XIRP2: variants seen among roughly 807,000 people sequenced by gnomAD.
The protein encoded by XIRP2 is xin actin binding repeat containing 2.
XIRP2 carries 236 observed loss-of-function variants against 277.0 expected under a neutral mutation model. That is an observed-to-expected ratio of 0.85 (90% CI 0.77 to 0.95). The LOEUF (loss-of-function observed/expected upper bound fraction) is 0.95, where lower values mean the gene tolerates loss of function less well. Among genes scored for constraint, XIRP2 ranks in the 40% least tolerant of loss-of-function variants. The pLI, the probability that XIRP2 is intolerant of heterozygous loss-of-function variation, is 0.00. For missense variants in XIRP2, 4,640 were observed against 4,157.5 expected (o/e 1.12, Z -3.19); for synonymous variants, 1,490 against 1,416.5 (o/e 1.05, Z -1.17).
intron 2 of XIRP2, among the ~76,000 whole-genome samples, chr2:166,940,941 C>T (rs553528569): frequency 8.5e-5 from 13 of 152,246 alleles, no homozygotes; most frequent in South Asian, 4.1e-4. Context: ...TCTCCAGCTT[C>T]GTGCTGGGAG....
intron 2 of XIRP2, among the ~76,000 whole-genome samples, chr2:167,029,833 C>A (rs990252361): frequency 1.3e-5 from 2 of 152,168 alleles, no homozygotes; most frequent in Middle Eastern, 3.4e-3. Flanking sequence ...TCTGTCTGGT[C>A]CTGGGCATTT....
chr2:167,185,606 T>C (rs2105361023), intron 3 of XIRP2, among the ~76,000 whole-genome samples: 1 of 151,912 alleles, frequency 6.6e-6, no homozygotes, highest in South Asian at 2.1e-4. Flanking sequence ...TTAAAAAGAG[T>C]AAAATCACCA....
At chr2:166,966,343 T>C (rs1055741745) in intron 2 of XIRP2, among the ~76,000 whole-genome samples, 1 of 151,884 alleles carries the variant, frequency 6.6e-6, no homozygotes, top group Non-Finnish European at 1.5e-5. Context: ...AACTTATAAA[T>C]ACAAATAGCC....
At position 167,249,829 on chromosome 2, in the gene XIRP2, G is replaced by C; in HGVS notation, c.8437G>C (p.Gly2813Arg). The part of the protein sequence containing the change: ...KQREFSGSDR[G>R]KLPGSEEKNQ... ...AAGAGAATTTAGCGGATCTGACAGA[G>C]GGAAACTTCCAGGAAGTGAAGAAAA... Residue 2813 changes from glycine (G) to arginine (R), a missense_variant, in exon 9 of 11, where the codon GGG becomes CGG. By Grantham distance (125) the Gly-to-Arg change is moderately radical (BLOSUM62 -2). Transcript: ENST00000409195. 6.2e-7 allele frequency: 1 copy of C among 1,613,406 alleles called. No individual in the cohort carries two copies. Among genetic ancestry groups the C allele is most frequent in the South Asian group, 1.1e-5 (1 of 91,068 alleles).
chr2:167,010,991 T>C (rs1362950894), intron 2 of XIRP2, among the ~76,000 whole-genome samples: 2 of 152,172 alleles, frequency 1.3e-5, no homozygotes, highest in Admixed American at 6.6e-5. Flanking sequence ...TGGGGTTTTC[T>C]AGATATACAA....
intron 3 of XIRP2, 90 bp from the exon 4 acceptor site, chr2:167,210,645 G>C: frequency 6.7e-7 from 1 of 1,487,468 alleles, no homozygotes; most frequent in Non-Finnish European, 9.2e-7. Context: ...ACGAGATCAA[G>C]TATTTTAAAT....
chr2:166,935,795 A>G (rs527611615), intron 2 of XIRP2, among the ~76,000 whole-genome samples: 9 of 152,220 alleles, frequency 5.9e-5, no homozygotes. Context: ...GCCACATTTT[A>G]TTAATCCAGT....
At position 167,249,540 on chromosome 2, in the gene XIRP2, A is replaced by C; in HGVS notation, c.8148A>C (p.Pro2716=). 6.2e-7 allele frequency: 1 copy of C among 1,613,694 alleles called. No individual in the cohort carries two copies. Among genetic ancestry groups the C allele is most frequent in the Non-Finnish European group, 8.5e-7 (1 of 1,179,754 alleles). Residue 2716 remains proline, a synonymous_variant, in exon 9 of 11, where the codon CCA becomes CCC. Coordinates refer to ENST00000409195, the MANE Select transcript of XIRP2 (RefSeq NM_152381.6). ...TCAAAGTTAAAACCATCAAACTTCC[A>C]ACTCTAGATCATACATTAAATGAAA... ...PNFKVKTIKL[P]TLDHTLNETD...
chr2:166,960,603 C>T lies in XIRP2; in HGVS notation c.408+56713C>T, dbSNP rs960520922. ...TCACTTCAATTATCTAAATTATCCC[C>T]GATTTTAAAGCAATGTGTATTATAA... On this transcript the variant is annotated intron_variant, in intron 2 of 10. Transcript: ENST00000409195. Among the ~76,000 whole-genome samples the T allele has an allele frequency of 4.6e-5, 7 of 151,672 alleles. No homozygotes were observed. In the South Asian group the frequency reaches 8.3e-4, roughly 18 times the overall value.
At chr2:167,021,664 A>G (rs1363335621) in intron 2 of XIRP2, among the ~76,000 whole-genome samples, 1 of 151,918 alleles carries the variant, frequency 6.6e-6, no homozygotes, top group Non-Finnish European at 1.5e-5. Context: ...AGTCTCTACA[A>G]AAAATAAAAA....
At position 167,075,136 on chromosome 2, in the gene XIRP2, G is replaced by A. The variant is rs145688238; in HGVS notation, c.409-60773G>A. Reference sequence around the variant, plus strand: ...CTCATTAATCATTTTTGTATCCCTAGCACCTAGAACACTGCCTGGTCTCTA... The same window carrying A: ...CTCATTAATCATTTTTGTATCCCTAACACCTAGAACACTGCCTGGTCTCTA... On this transcript the variant is annotated intron_variant, in intron 2 of 10. Coordinates refer to ENST00000409195, the MANE Select transcript of XIRP2 (RefSeq NM_152381.6). 2.5e-3 allele frequency among the ~76,000 whole-genome samples: 376 copies of A among 152,218 alleles called. 2 individuals carry two copies. The highest frequency in any genetic ancestry group is 8.6e-3 in the African/African-American group (357 of 41,534).
intron 2 of XIRP2, among the ~76,000 whole-genome samples, chr2:166,979,283 T>A (rs1686796613): frequency 6.6e-6 from 1 of 152,066 alleles, no homozygotes; most frequent in Non-Finnish European, 1.5e-5. Flanking sequence ...GTCTTCCCAA[T>A]TAAGGTTAAC....
intron 2 of XIRP2, among the ~76,000 whole-genome samples, chr2:166,914,176 T>C (rs2105350017): frequency 6.6e-6 from 1 of 152,282 alleles, no homozygotes; most frequent in African/African-American, 2.4e-5. Context: ...GCTGACATGA[T>C]GCAGGGCCAT....
rs757362791 is a variant in XIRP2, at chr2:167,242,636, T to C, written c.1244T>C (p.Val415Ala). 5.0e-6 allele frequency: 8 copies of C among 1,613,926 alleles called. No individual in the cohort carries two copies. The highest frequency in any genetic ancestry group is 6.8e-6 in the Non-Finnish European group (8 of 1,179,978). ...SVVSTSSTSC[V>A]STSQRKETST... ...GTGAGTACCTCTTCCACTTCTTGCGTTTCAACCAGCCAGAGGAAGGAAACA... is the reference window on the plus strand; with the variant it reads ...GTGAGTACCTCTTCCACTTCTTGCGCTTCAACCAGCCAGAGGAAGGAAACA... Residue 415 changes from valine to alanine, a missense_variant, in exon 9 of 11, where the codon GTT becomes GCT. Val to Ala is a moderately conservative substitution (Grantham distance 64, BLOSUM62 0). Transcript: ENST00000409195.
intron 10 of XIRP2, among the ~76,000 whole-genome samples, chr2:167,255,343 T>A (rs1695627314): frequency 6.6e-6 from 1 of 151,848 alleles, no homozygotes; most frequent in African/African-American, 2.4e-5. Flanking sequence ...CATTTTCTTC[T>A]ATCTAAATTC....
At chr2:167,188,326 A>C (rs915012977) in intron 3 of XIRP2, among the ~76,000 whole-genome samples, 16 of 152,240 alleles carry the variant, frequency 1.1e-4, no homozygotes, top group Admixed American at 1.3e-4. Flanking sequence ...ACGTGATAAC[A>C]GAATCTCTTA....
At chr2:167,003,176 A>T (rs1458362494) in intron 2 of XIRP2, among the ~76,000 whole-genome samples, 7 of 151,910 alleles carry the variant, frequency 4.6e-5, no homozygotes, top group Non-Finnish European at 8.8e-5. Flanking sequence ...TTATATACAA[A>T]AAATCCCTAT....
At chr2:166,959,866 G>A (rs543044070) in intron 2 of XIRP2, among the ~76,000 whole-genome samples, 1 of 151,834 alleles carries the variant, frequency 6.6e-6, no homozygotes, top group East Asian at 2.0e-4. Flanking sequence ...ACACAAAGCT[G>A]ACCTAGTGGA....
At chr2:167,001,672 G>A (rs548645441) in intron 2 of XIRP2, among the ~76,000 whole-genome samples, 41 of 152,166 alleles carry the variant, frequency 2.7e-4, no homozygotes, top group African/African-American at 9.9e-4. Context: ...AATACATCCT[G>A]TAAAACTTAG....
Sources: gnomAD v4.1 joint callset for allele counts (sites outside exome capture counted in the v4.1 genomes callset) on GRCh38, gnomAD v4.1.1 for gene constraint, MANE v1.5 for transcripts, NCBI Gene and HGNC (gene_info 2026-07-23, HGNC 2026-07-21) for gene names.